Variants in RAD51 observed in about 807,000 individuals in gnomAD.
The protein encoded by RAD51 is RAD51 recombinase.
Under a neutral mutation model 41.5 loss-of-function variants are expected in RAD51, and 14 were observed. The ratio of observed to expected loss-of-function variants is 0.34; its 90% confidence interval spans 0.22 to 0.53. The LOEUF (loss-of-function observed/expected upper bound fraction) is 0.53. RAD51 is among the 20% of genes least tolerant of loss of function. The pLI is 0.95. For synonymous variants in RAD51, 136 were observed against 148.6 expected (o/e 0.92, Z 0.62); for missense variants, 234 against 422.0 (o/e 0.55, Z 3.90).
intron 5 of RAD51, among the ~76,000 whole-genome samples, chr15:40,718,005 G>A (rs1212962538): frequency 6.6e-6 from 1 of 152,166 alleles, no homozygotes; most frequent in Non-Finnish European, 1.5e-5. Flanking sequence ...GCCGAGGCGG[G>A]CAGATCACTT....
intron 3 of RAD51, among the ~76,000 whole-genome samples, chr15:40,704,611 C>A (rs960737776): frequency 6.6e-6 from 1 of 151,456 alleles, no homozygotes; most frequent in Non-Finnish European, 1.5e-5. Flanking sequence ...CTGCCCACCT[C>A]ACCCTACCAA....
chr15:40,716,657 C>CTTTTTTTTTTTTTTTT (rs34860677), intron 5 of RAD51, among the ~76,000 whole-genome samples: 1 of 88,152 alleles, frequency 1.1e-5, no homozygotes, highest in African/African-American at 4.3e-5. Flanking sequence ...CTCTCTACTT[C>CTTTTTTTTTTTTTTTT]TTTTTTTTTT....
chr15:40,718,326 T>C (rs1193427835), intron 5 of RAD51, among the ~76,000 whole-genome samples: 3 of 152,166 alleles, frequency 2.0e-5, no homozygotes, highest in Non-Finnish European at 4.4e-5. Flanking sequence ...AAGACCAGCC[T>C]AGCCAACTTG....
At chr15:40,707,775 T>G (rs1036200667) in intron 4 of RAD51, among the ~76,000 whole-genome samples, 2 of 152,162 alleles carry the variant, frequency 1.3e-5, no homozygotes, top group African/African-American at 4.8e-5. Context: ...TAGAATGCAG[T>G]GGCACAATCT....
At chr15:40,700,440 A>G (rs1317197122) in intron 2 of RAD51, among the ~76,000 whole-genome samples, 3 of 152,186 alleles carry the variant, frequency 2.0e-5, no homozygotes, top group Non-Finnish European at 2.9e-5. Context: ...TTACCCTACC[A>G]TAGTGTAAAA....
At chr15:40,705,651 C>T (rs1895283574) in intron 3 of RAD51, among the ~76,000 whole-genome samples, 1 of 152,322 alleles carries the variant, frequency 6.6e-6, no homozygotes, top group Middle Eastern at 3.4e-3. Context: ...GTCCCCCAGG[C>T]TGGAGTACAG....
chr15:40,696,925 G>T (rs1231974060), intron 1 of RAD51, among the ~76,000 whole-genome samples: 1 of 151,944 alleles, frequency 6.6e-6, no homozygotes, highest in Non-Finnish European at 1.5e-5. Context: ...CAAATCTCTT[G>T]CCTATTTTTC....
intron 6 of RAD51, among the ~76,000 whole-genome samples, chr15:40,722,373 A>C (rs1375703067): frequency 6.6e-6 from 1 of 151,504 alleles, no homozygotes; most frequent in Non-Finnish European, 1.5e-5. Context: ...AGATCATGCC[A>C]TTGCACTATA....
chr15:40,706,342 TC>T, intron 4 of RAD51, 48 bp downstream of exon 4: 2 of 1,423,172 alleles, frequency 1.4e-6, no homozygotes, highest in Non-Finnish European at 2.0e-6. Flanking sequence ...TAGGAAAGCT[TC>T]CAGGTTATAA....
At chr15:40,724,581 C>T (rs746407411) in intron 6 of RAD51, among the ~76,000 whole-genome samples, 1 of 151,678 alleles carries the variant, frequency 6.6e-6, no homozygotes, top group African/African-American at 2.4e-5. Flanking sequence ...TAGCTCACTG[C>T]AGCTTCTAAC....
intron 5 of RAD51, among the ~76,000 whole-genome samples, chr15:40,713,758 C>T (rs1225266179): frequency 2.0e-5 from 3 of 151,908 alleles, no homozygotes; most frequent in African/African-American, 7.3e-5. Context: ...AGGCGCCCGC[C>T]ACCACGCCTG....
intron 6 of RAD51, among the ~76,000 whole-genome samples, chr15:40,726,789 T>C (rs1896608624): frequency 6.6e-6 from 1 of 151,800 alleles, no homozygotes. Flanking sequence ...AGCGGGTGCC[T>C]GTAGTCCCAG....
At chr15:40,726,958 A>G (rs191016021) in intron 6 of RAD51, among the ~76,000 whole-genome samples, 12 of 150,650 alleles carry the variant, frequency 8.0e-5, no homozygotes, top group African/African-American at 9.7e-5. Context: ...AACTTGTCCC[A>G]AGCTGTGGGA....
intron 3 of RAD51, among the ~76,000 whole-genome samples, chr15:40,703,407 A>G (rs1320461800): frequency 3.9e-5 from 6 of 152,232 alleles, no homozygotes; most frequent in African/African-American, 7.2e-5. Flanking sequence ...AATATTAAGT[A>G]TATAGAAAAG....
intron 5 of RAD51, among the ~76,000 whole-genome samples, chr15:40,718,081 G>A (rs1010402108): frequency 6.6e-6 from 1 of 151,468 alleles, no homozygotes; most frequent in Non-Finnish European, 1.5e-5. Context: ...AAATTTAATC[G>A]GGTGTGGTGG....
chr15:40,712,600 C>T (rs1324115624), intron 5 of RAD51, among the ~76,000 whole-genome samples: 6 of 152,302 alleles, frequency 3.9e-5, no homozygotes, highest in Non-Finnish European at 7.4e-5. Flanking sequence ...GCATAAGTGG[C>T]CAGTCCACAA....
intron 5 of RAD51, among the ~76,000 whole-genome samples, chr15:40,712,671 T>C (rs1258331066): frequency 2.6e-5 from 4 of 152,198 alleles, no homozygotes; most frequent in African/African-American, 9.7e-5. Context: ...CTTTTGAAGC[T>C]TTATTATAAT....
chr15:40,708,104 C>T (rs999431613), intron 4 of RAD51, among the ~76,000 whole-genome samples: 4 of 150,548 alleles, frequency 2.7e-5, no homozygotes, highest in South Asian at 2.1e-4. Context: ...CTGCCACTTC[C>T]GCCCCCAGGT....
At chr15:40,718,176 T>C (rs752561845) in intron 5 of RAD51, among the ~76,000 whole-genome samples, 2 of 152,042 alleles carry the variant, frequency 1.3e-5, no homozygotes, top group Non-Finnish European at 2.9e-5. Flanking sequence ...TGAGCCAAGA[T>C]TGCACCACTG....
Sources: gnomAD v4.1 joint callset for allele counts (sites outside exome capture counted in the v4.1 genomes callset) on GRCh38, gnomAD v4.1.1 for gene constraint, MANE v1.5 for transcripts, NCBI Gene and HGNC (gene_info 2026-07-23, HGNC 2026-07-21) for gene names.